Variants in APOLD1 observed in about 807,000 individuals in gnomAD.
APOLD1 encodes apolipoprotein L domain-containing protein 1.
A neutral mutation model predicts 15.3 loss-of-function variants in APOLD1; 22 were observed. That is an observed-to-expected ratio of 1.44 (90% CI 1.03 to 2.05). The LOEUF is 2.05. Ranked by LOEUF, APOLD1 falls within the 30% of genes most tolerant of loss-of-function variation. APOLD1 has a pLI of 0.00. For synonymous variants in APOLD1, 190 were observed against 167.4 expected (o/e 1.13, Z -1.04); for missense variants, 394 against 353.5 (o/e 1.11, Z -0.92).
chr12:12,737,280 TAACAACCTAG>T (rs1163107731), intron 1 of APOLD1, among the ~76,000 whole-genome samples: 1 of 151,942 alleles, frequency 6.6e-6, no homozygotes, highest in Non-Finnish European at 1.5e-5. Context: ...TACAGTGGGG[TAACAACCTAG>T]AGTTGGCCAC....
At chr12:12,786,739 G>C (rs1947127570) in intron 1 of APOLD1, 170 bp from the exon 2 acceptor site, 1 of 985,334 alleles carries the variant, frequency 1.0e-6, no homozygotes. Flanking sequence ...TTCCAGAACA[G>C]GTCTTTGAGA....
intron 1 of APOLD1, among the ~76,000 whole-genome samples, chr12:12,726,831 G>A (rs1000887935): frequency 1.3e-5 from 2 of 152,126 alleles, no homozygotes; most frequent in African/African-American, 2.4e-5. Flanking sequence ...ATAAAAGTCC[G>A]CTAGTCACTC....
chr12:12,775,195 T>G (rs1363066234), intron 1 of APOLD1, among the ~76,000 whole-genome samples: 1 of 152,206 alleles, frequency 6.6e-6, no homozygotes, highest in East Asian at 1.9e-4. Flanking sequence ...GAAGCCAATC[T>G]GAAAAGGCTA....
intron 1 of APOLD1, among the ~76,000 whole-genome samples, chr12:12,736,866 C>T (rs1440088362): frequency 6.6e-6 from 1 of 152,166 alleles, no homozygotes; most frequent in African/African-American, 2.4e-5. Context: ...TGCTTGGTGT[C>T]AGCTACTGAA....
chr12:12,733,261 A>C (rs1404732002), intron 1 of APOLD1, among the ~76,000 whole-genome samples: 1 of 152,034 alleles, frequency 6.6e-6, no homozygotes, highest in Non-Finnish European at 1.5e-5. Context: ...GGAGGTCTAG[A>C]CTGCAGTGAG....
upstream of APOLD1, among the ~76,000 whole-genome samples, chr12:12,783,639 T>G (rs1409617808): frequency 4.7e-5 from 7 of 150,088 alleles, no homozygotes; most frequent in South Asian, 4.3e-4. Context: ...TGTTTTTTTT[T>G]TTTTTGCTTT....
intron 1 of APOLD1, among the ~76,000 whole-genome samples, chr12:12,732,331 G>A (rs1435901025): frequency 2.0e-5 from 3 of 152,090 alleles, no homozygotes; most frequent in Non-Finnish European, 4.4e-5. Flanking sequence ...TCAGCTGGGC[G>A]CCGTGATTGT....
In APOLD1 at chr12:12,787,999, G is replaced by A. The variant is rs1592312497; in HGVS notation, c.*347G>A. The A allele has an allele frequency of 8.8e-6, 2 of 226,126 alleles. No homozygotes were observed. The highest frequency in any genetic ancestry group is 2.4e-4 in the East Asian group (2 of 8,478). 14.0% of individuals were successfully genotyped at this position (226,126 alleles called of 1,614,324 possible). A position where few individuals can be genotyped will look rare whatever the true frequency, so the allele number is the denominator to read the frequency against. On this transcript the variant is annotated 3_prime_UTR_variant, in exon 2 of 2. Coordinates refer to ENST00000356591, the MANE Select transcript of APOLD1 (RefSeq NM_030817.3). The surrounding 1 kb of genome is among the most constrained non-coding windows in gnomAD (Gnocchi z 4.9). ...ACCCTGCCCTGGTGGCTTGGCCTGA[G>A]ACTGGAGAGAGTGCCATCCTCTGGG...
chr12:12,786,786 C>G lies in APOLD1; in HGVS notation c.4-123C>G. 4 of 1,302,998 alleles carry G rather than the reference C, an allele frequency of 3.1e-6. No homozygotes were observed. The East Asian group carries it at 1.3e-4, about 41-fold the overall frequency. The allele number at this position is 1,302,998 out of a possible 1,614,324, so 80.7% of individuals were successfully genotyped here. On this transcript the variant is annotated intron_variant, in intron 1 of 1. Coordinates refer to ENST00000356591, the MANE Select transcript of APOLD1 (RefSeq NM_030817.3). The stretch of plus-strand genomic sequence containing the variant: ...GATCCACTGGAAACAGACCCGTTCC[C>G]CTAGCGTGGCAGTGGCTGCTCCGCT...
chr12:12,738,442 G>A (rs1186963327), intron 1 of APOLD1, among the ~76,000 whole-genome samples: 3 of 152,176 alleles, frequency 2.0e-5, no homozygotes, highest in South Asian at 2.1e-4. Context: ...CTTTGCTCAA[G>A]CAGTCCTCCC....
Position 12,787,524 on chromosome 12 carries a change from G to A in APOLD1, c.619G>A (p.Glu207Lys), listed in dbSNP as rs1264834503. Reference protein sequence around the residue: ...AKIQKLAESLESCTGALDELS... With the variant: ...AKIQKLAESLKSCTGALDELS... The stretch of plus-strand genomic sequence containing the variant: ...GATTCAGAAACTGGCCGAGAGCCTG[G>A]AGTCCTGCACCGGGGCTCTGGACGA... Residue 207 changes from glutamate to lysine, a missense_variant, in exon 2 of 2, where the codon GAG becomes AAG. Physicochemically the swap from Glu to Lys is moderately conservative, Grantham distance 56. Coordinates refer to ENST00000356591, the MANE Select transcript of APOLD1 (RefSeq NM_030817.3). This position sits in a 1 kb window ranked among gnomAD's most constrained non-coding sequence, Gnocchi z 4.9. 1.2e-6 allele frequency: 2 copies of A among 1,614,026 alleles called. No homozygotes were observed. Among genetic ancestry groups the A allele is most frequent in the East Asian group, 2.2e-5 (1 of 44,888 alleles).
At chr12:12,775,722 G>A (rs1013393198) in intron 1 of APOLD1, among the ~76,000 whole-genome samples, 4 of 152,084 alleles carry the variant, frequency 2.6e-5, no homozygotes, top group African/African-American at 9.7e-5. Flanking sequence ...AAAAACGATT[G>A]GGTACAATGG....
intron 1 of APOLD1, among the ~76,000 whole-genome samples, chr12:12,758,093 T>A: frequency 8.8e-6 from 1 of 114,194 alleles, no homozygotes; most frequent in East Asian, 2.6e-4. Flanking sequence ...GATGCCTGGC[T>A]TTTTTTCTTT....
intron 1 of APOLD1, among the ~76,000 whole-genome samples, chr12:12,729,564 G>A (rs2136366204): frequency 6.6e-6 from 1 of 152,102 alleles, no homozygotes; most frequent in East Asian, 1.9e-4. Flanking sequence ...TCAGCTGGGA[G>A]GAGCTCTTGC....
chr12:12,760,731 A>G (rs2136385807), intron 1 of APOLD1, among the ~76,000 whole-genome samples: 1 of 152,320 alleles, frequency 6.6e-6, no homozygotes, highest in South Asian at 2.1e-4. Context: ...TGTGGATAAG[A>G]AAAAAGGCAA....
At position 12,778,222 on chromosome 12, in the gene APOLD1, A is replaced by G. The variant is rs562355392; in HGVS notation, c.97-8687A>G. On this transcript the variant is annotated intron_variant, in intron 1 of 1. Coordinates refer to the APOLD1 transcript ENST00000326765. ...TGGGATTACAGGTGTGAGCCACTGTACTTGGCCAGGAAAGCATCCTGACAA... is the reference window on the plus strand; with the variant it reads ...TGGGATTACAGGTGTGAGCCACTGTGCTTGGCCAGGAAAGCATCCTGACAA... Among the ~76,000 whole-genome samples, 3 of 150,840 alleles carry G rather than the reference A, an allele frequency of 2.0e-5. No individual in the cohort carries two copies. In the South Asian group the frequency reaches 6.3e-4, roughly 32 times the overall value.
At chr12:12,757,286 A>T (rs1396924231) in intron 1 of APOLD1, among the ~76,000 whole-genome samples, 1 of 152,118 alleles carries the variant, frequency 6.6e-6, no homozygotes, top group Admixed American at 6.6e-5. Flanking sequence ...GCTTTTGGTG[A>T]GCCCAAGTTC....
chr12:12,775,938 A>G (rs1197811474), intron 1 of APOLD1, among the ~76,000 whole-genome samples: 2 of 136,862 alleles, frequency 1.5e-5, no homozygotes, highest in East Asian at 4.9e-4. Flanking sequence ...TAGGAGTTCA[A>G]AGTTACAGTG....
chr12:12,737,294 T>C lies in APOLD1; in HGVS notation c.96+11198T>C, dbSNP rs185521063. 2.4e-3 allele frequency among the ~76,000 whole-genome samples: 368 copies of C among 152,182 alleles called. 1 individual carries two copies. The highest frequency in any genetic ancestry group is 8.5e-3 in the African/African-American group (353 of 41,516). On this transcript the variant is annotated intron_variant, in intron 1 of 1. Transcript: ENST00000326765. ...CTACAGTGGGGTAACAACCTAGAGT[T>C]GGCCACTGACTCCACAGGAAGCTAT...
Sources: allele counts gnomAD v4.1 joint callset (sites outside exome capture counted in the v4.1 genomes callset), GRCh38; gene constraint gnomAD v4.1.1; non-coding constraint Gnocchi (gnomAD v3.1); transcripts MANE v1.5; gene names NCBI Gene and HGNC (gene_info 2026-07-23, HGNC 2026-07-21).